C12orf42: variants seen among roughly 807,000 people sequenced by gnomAD.
The protein encoded by C12orf42 is uncharacterized protein C12orf42.
Under a neutral mutation model 21.6 loss-of-function variants are expected in C12orf42, and 25 were observed. That is an observed-to-expected ratio of 1.16 (90% CI 0.84 to 1.62). The LOEUF (loss-of-function observed/expected upper bound fraction) is 1.62, where lower values mean the gene tolerates loss of function less well. Ranked by LOEUF, C12orf42 falls within the 40% of genes most tolerant of loss-of-function variation. The probability of loss-of-function intolerance (pLI) is 0.00; values close to 1 mark genes in which losing one functional copy is unlikely to be tolerated. For missense variants in C12orf42, 483 were observed against 459.3 expected, an observed-to-expected ratio of 1.05 and a Z score of -0.47; for synonymous variants, 174 against 175.0, an observed-to-expected ratio of 0.99 and a Z score of 0.05.
At chr12:103,116,417 T>C in the C12orf42 span, among the ~76,000 whole-genome samples, 1 of 148,860 alleles carries the variant, frequency 6.7e-6, no homozygotes, top group Admixed American at 6.7e-5. Flanking sequence ...TATACATATA[T>C]ATATATAAAT....
intron 4 of C12orf42, among the ~76,000 whole-genome samples, chr12:103,281,906 GAAGA>G (rs2036142792): frequency 9.8e-6 from 1 of 102,264 alleles, no homozygotes; most frequent in East Asian, 3.0e-4. Flanking sequence ...AGAAAGAAAA[GAAGA>G]AAGAAAAAGA....
chr12:103,525,668 T>C, the C12orf42 span, among the ~76,000 whole-genome samples: 2,473 of 152,272 alleles, frequency 0.016, 68 homozygotes, highest in African/African-American at 0.054. Context: ...ATTATTACAA[T>C]TTTACAAATG....
intron 1 of C12orf42, among the ~76,000 whole-genome samples, chr12:103,492,317 T>C (rs1955237252): frequency 6.6e-6 from 1 of 152,196 alleles, no homozygotes; most frequent in East Asian, 1.9e-4. Context: ...TATCCAGCAA[T>C]TTGCATCTTA....
chr12:103,109,887 G>T, the C12orf42 span, among the ~76,000 whole-genome samples: 2 of 151,976 alleles, frequency 1.3e-5, no homozygotes, highest in Admixed American at 6.6e-5. Flanking sequence ...CAATGAAATG[G>T]TTATTAATGA....
chr12:103,273,592 G>A (rs534659792), intron 5 of C12orf42, among the ~76,000 whole-genome samples: 39 of 152,192 alleles, frequency 2.6e-4, no homozygotes, highest in African/African-American at 9.4e-4. Context: ...GAAAAGTCAG[G>A]ACTCTGAAAT....
chr12:103,491,374 A>G (rs969963269), intron 1 of C12orf42, among the ~76,000 whole-genome samples: 2 of 152,320 alleles, frequency 1.3e-5, no homozygotes, highest in South Asian at 4.1e-4. Context: ...ACTCTGGTGC[A>G]TCCATCCCAT....
chr12:103,511,665 T>C, the C12orf42 span, among the ~76,000 whole-genome samples: 2 of 152,084 alleles, frequency 1.3e-5, no homozygotes, highest in African/African-American at 4.8e-5. Context: ...TAGTGCATCT[T>C]GAAAAAATAA....
intron 3 of C12orf42, among the ~76,000 whole-genome samples, chr12:103,378,208 T>C (rs1268729582): frequency 6.6e-6 from 1 of 152,174 alleles, no homozygotes; most frequent in African/African-American, 2.4e-5. Context: ...TCACCACTAA[T>C]TTTACAGAGT....
the C12orf42 span, among the ~76,000 whole-genome samples, chr12:103,538,655 T>A: frequency 2.6e-5 from 4 of 152,228 alleles, no homozygotes; most frequent in East Asian, 5.8e-4. Flanking sequence ...CTGAGATCAT[T>A]GGTGGCACTT....
chr12:103,402,861 T>C (rs1222925452), intron 2 of C12orf42, among the ~76,000 whole-genome samples: 1 of 152,170 alleles, frequency 6.6e-6, no homozygotes, highest in Non-Finnish European at 1.5e-5. Flanking sequence ...GTAAAATTAC[T>C]AGAATCTGGA....
intron 2 of C12orf42, among the ~76,000 whole-genome samples, chr12:103,416,059 C>T (rs2049297387): frequency 6.7e-6 from 1 of 148,668 alleles, no homozygotes; most frequent in African/African-American, 2.5e-5. Flanking sequence ...GGCCTTTCTG[C>T]AACTGAGTGT....
chr12:103,368,981 T>C lies in C12orf42; in HGVS notation c.165A>G (p.Glu55=). The change falls in exon 4 of 6, where the codon GAA becomes GAG. Residue 55 remains glutamate, a synonymous_variant. Coordinates refer to ENST00000548883, the MANE Select transcript of C12orf42 (RefSeq NM_198521.5). ...TPSAKHIPCY[E]RTSVPCSRFI... is the part of the protein sequence containing the mutation. ...ATCTGGAGCAGGGTACTGAAGTTCT[T>C]TCATAACAAGGGATGTGCTGTAAGA... 1 of 1,589,756 alleles carries C rather than the reference T, an allele frequency of 6.3e-7. No individual in the cohort carries two copies. The highest frequency in any genetic ancestry group is 1.1e-5 in the South Asian group (1 of 87,490).
chr12:103,219,471 A>G, the C12orf42 span, among the ~76,000 whole-genome samples: 2 of 152,176 alleles, frequency 1.3e-5, no homozygotes, highest in African/African-American at 4.8e-5. Context: ...GACTGAACAG[A>G]CAACCTACAG....
At position 103,403,151 on chromosome 12, in the gene C12orf42, G is replaced by A. The variant is rs540784154; in HGVS notation, c.79-1476C>T. Among the ~76,000 whole-genome samples, 267 of 152,126 alleles carry A rather than the reference G, an allele frequency of 1.8e-3. 1 individual carries two copies. The highest frequency in any genetic ancestry group is 6.1e-3 in the African/African-American group (252 of 41,502). On this transcript the variant is annotated intron_variant, in intron 2 of 5. Transcript: ENST00000548883. ...AGCACTTTGGGAGGCCGAGGCGGGC[G>A]GATCACGAGGTCAGGAGATCGAGAC...
chr12:103,222,240 G>A, the C12orf42 span, among the ~76,000 whole-genome samples: 3 of 152,046 alleles, frequency 2.0e-5, no homozygotes, highest in East Asian at 5.8e-4. Context: ...TAAGGGTGGG[G>A]CCGTTTTATA....
chr12:103,327,374 A>AG (rs2040812632), intron 4 of C12orf42, among the ~76,000 whole-genome samples: 1 of 152,250 alleles, frequency 6.6e-6, no homozygotes, highest in South Asian at 2.1e-4. Flanking sequence ...ATTTCAGAAA[A>AG]GCCATGAATA....
chr12:103,485,624 T>C (rs1342220386), intron 1 of C12orf42, among the ~76,000 whole-genome samples: 1 of 152,254 alleles, frequency 6.6e-6, no homozygotes, highest in African/African-American at 2.4e-5. Context: ...TTCTTCCATT[T>C]GTTTCTGTCC....
the C12orf42 span, among the ~76,000 whole-genome samples, chr12:103,115,591 C>A: frequency 1.3e-5 from 2 of 152,088 alleles, no homozygotes; most frequent in African/African-American, 2.4e-5. Context: ...ACCCACTTCC[C>A]GGAGTTGTTT....
intron 4 of C12orf42, among the ~76,000 whole-genome samples, chr12:103,328,179 A>G (rs1157228737): frequency 6.6e-6 from 1 of 152,134 alleles, no homozygotes; most frequent in Non-Finnish European, 1.5e-5. Flanking sequence ...CTCCTTTTCA[A>G]TAGTTCCAGC....
Sources: allele counts gnomAD v4.1 joint callset (sites outside exome capture counted in the v4.1 genomes callset), GRCh38; gene constraint gnomAD v4.1.1; transcripts MANE v1.5; gene names NCBI Gene and HGNC (gene_info 2026-07-23, HGNC 2026-07-21).